The following GPR26 variants were observed in gnomAD, a reference collection of about 807,000 sequenced individuals.
GPR26 encodes the protein G protein-coupled receptor 26.
GPR26 carries 15 observed loss-of-function variants against 23.1 expected under a neutral mutation model. The ratio of observed to expected loss-of-function variants is 0.65; its 90% CI spans 0.43 to 1.00. The LOEUF (loss-of-function observed/expected upper bound fraction) is 1.00. GPR26 is among the 50% of genes least tolerant of loss of function. The pLI is 0.00. For missense variants in GPR26, 359 were observed against 470.5 expected (o/e 0.76, Z 2.19); for synonymous variants, 228 against 222.1 (o/e 1.03, Z -0.24).
Position 123,691,845 on chromosome 10 carries a change from C to T in GPR26, c.*3685C>T, listed in dbSNP as rs1382663817. The stretch of plus-strand genomic sequence containing the variant: ...GGGCCAGGCAGGACCTGGGTTTCCG[C>T]ACTTTTAATCATCGATGCCCAGGTA... On this transcript the variant is annotated 3_prime_UTR_variant, in exon 3 of 3. Coordinates refer to ENST00000284674, the MANE Select transcript of GPR26 (RefSeq NM_153442.4). 6.6e-6 allele frequency: 1 copy of T among 152,164 alleles called. No individual in the cohort carries two copies. The highest frequency in any genetic ancestry group is 6.5e-5 in the Admixed American group (1 of 15,284). 9.4% of individuals were successfully genotyped at this position (152,164 alleles called of 1,614,324 possible).
intron 2 of GPR26, among the ~76,000 whole-genome samples, chr10:123,675,798 C>CTCTGTG (rs141688113): frequency 2.1e-5 from 3 of 142,726 alleles, no homozygotes; most frequent in Middle Eastern, 3.5e-3. Flanking sequence ...GCAGGGTTTT[C>CTCTGTG]TGTGTGTGTG....
chr10:123,670,645 C>CTTGGT (rs747245894), intron 1 of GPR26, among the ~76,000 whole-genome samples: 1 of 152,194 alleles, frequency 6.6e-6, no homozygotes, highest in Non-Finnish European at 1.5e-5. Flanking sequence ...CACCCCAGCT[C>CTTGGT]TAACCAGCAC....
intron 2 of GPR26, among the ~76,000 whole-genome samples, chr10:123,678,459 G>A (rs914514438): frequency 1.3e-5 from 2 of 152,250 alleles, no homozygotes; most frequent in South Asian, 2.1e-4. Context: ...TTCCTGAGCA[G>A]TCAAATCAGT....
chr10:123,666,699 G>C lies in GPR26; in HGVS notation c.292G>C (p.Ala98Pro), dbSNP rs1262061446. 6.3e-7 allele frequency: 1 copy of C among 1,599,158 alleles called. No individual in the cohort carries two copies. Among genetic ancestry groups the C allele is most frequent in the Admixed American group, 1.7e-5 (1 of 59,764 alleles). The change falls in exon 1 of 3, where the codon GCC (alanine) becomes CCC (proline). Residue 98 changes from alanine (A) to proline (P), a missense_variant. Physicochemically the swap from Ala to Pro is conservative, Grantham distance 27. Transcript: ENST00000284674. ...FLAANSMLSM[A>P]ALSIDRWVAV... Reference sequence around the variant, plus strand: ...GGCTGCCAACTCCATGCTCAGCATGGCCGCGCTCAGCATCGACCGCTGGGT... The same window carrying C: ...GGCTGCCAACTCCATGCTCAGCATGCCCGCGCTCAGCATCGACCGCTGGGT...
chr10:123,668,294 A>G (rs1282764209), intron 1 of GPR26, among the ~76,000 whole-genome samples: 3 of 152,186 alleles, frequency 2.0e-5, no homozygotes, highest in Non-Finnish European at 1.5e-5. Flanking sequence ...CACAATGCCG[A>G]CACATTGAAG....
At position 123,667,166 on chromosome 10, in the gene GPR26, G is replaced by A. The variant is rs370694682; in HGVS notation, c.668+91G>A. 6.5e-5 allele frequency: 63 copies of A among 976,636 alleles called. 1 individual carries two copies. Among genetic ancestry groups the A allele is most frequent in the East Asian group, 6.4e-4 (24 of 37,728 alleles). 60.5% of individuals were successfully genotyped at this position (976,636 alleles called of 1,614,324 possible). A position where few individuals can be genotyped will look rare whatever the true frequency, so the allele number is the denominator to read the frequency against. ...CTAGCCCCAGGGGCTCTTTTCCACCGAGCCTCTGTTTCTTCTGAGAACTCG... is the reference window on the plus strand; with the variant it reads ...CTAGCCCCAGGGGCTCTTTTCCACCAAGCCTCTGTTTCTTCTGAGAACTCG... On this transcript the variant is annotated intron_variant, in intron 1 of 2. Transcript: ENST00000284674.
chr10:123,685,479 G>A (rs1180866450), intron 2 of GPR26, among the ~76,000 whole-genome samples: 5 of 152,190 alleles, frequency 3.3e-5, no homozygotes, highest in Non-Finnish European at 4.4e-5. Flanking sequence ...AGCCACAGCC[G>A]GGCCTGGAGG....
rs191678275 is a variant in GPR26, at chr10:123,674,427, A to G, written c.669-391A>G. ...ATGATCAGTGAATGATATGAGCAAT[A>G]ATAAGAGGTAATGTTTAATGTTTCT... On this transcript the variant is annotated intron_variant, in intron 1 of 2. Coordinates refer to ENST00000284674, the MANE Select transcript of GPR26 (RefSeq NM_153442.4). This position sits in a 1 kb window ranked among gnomAD's most constrained non-coding sequence, Gnocchi z 4.1. Among the ~76,000 whole-genome samples the G allele has an allele frequency of 6.6e-5, 10 of 152,304 alleles. No homozygotes were observed. The East Asian group carries it at 1.4e-3, about 21-fold the overall frequency.
In GPR26 at chr10:123,666,371, G is replaced by A; in HGVS notation, c.-37G>A. 2 of 1,301,304 alleles carry A rather than the reference G, an allele frequency of 1.5e-6. No individual in the cohort carries two copies. The highest frequency in any genetic ancestry group is 2.0e-6 in the Non-Finnish European group (2 of 1,023,642). The allele number at this position is 1,301,304 out of a possible 1,614,324, so 80.6% of individuals were successfully genotyped here. On this transcript the variant is annotated 5_prime_UTR_variant, in exon 1 of 3. Coordinates refer to ENST00000284674, the MANE Select transcript of GPR26 (RefSeq NM_153442.4). The stretch of plus-strand genomic sequence containing the variant: ...CGCGGGCAGCGCCATGGCGGCGCCG[G>A]GTTGCGGACCCTGAGCGCCGGCGCG...
chr10:123,671,591 G>A (rs1252920292), intron 1 of GPR26, among the ~76,000 whole-genome samples: 2 of 152,146 alleles, frequency 1.3e-5, no homozygotes, highest in African/African-American at 2.4e-5. Context: ...GGGTTGCCTC[G>A]GGAGAGCTTT....
At chr10:123,671,429 G>A (rs532422712) in intron 1 of GPR26, among the ~76,000 whole-genome samples, 5 of 152,012 alleles carry the variant, frequency 3.3e-5, no homozygotes, top group East Asian at 1.9e-4. Context: ...ACACATGCTC[G>A]CACTCTGGCT....
Position 123,695,865 on chromosome 10 carries a change from T to C in GPR26, c.*7705T>C, listed in dbSNP as rs559465986. ...ACAAACATGTAAATACAACCTCTTTTGGAGTGCAGAAACATTTGCGGAGTC... is the reference window on the plus strand; with the variant it reads ...ACAAACATGTAAATACAACCTCTTTCGGAGTGCAGAAACATTTGCGGAGTC... On this transcript the variant is annotated 3_prime_UTR_variant, in exon 3 of 3. Transcript: ENST00000284674. Among the ~76,000 whole-genome samples, 7 of 152,304 alleles carry C rather than the reference T, an allele frequency of 4.6e-5. No individual in the cohort carries two copies. The East Asian group carries it at 1.3e-3, about 29-fold the overall frequency.
intron 2 of GPR26, among the ~76,000 whole-genome samples, chr10:123,687,369 C>G (rs1845440001): frequency 6.6e-6 from 1 of 152,218 alleles, no homozygotes; most frequent in Admixed American, 6.5e-5. Context: ...TGGGACCAGA[C>G]TCTTCTAGTT....
rs757161262 is a variant in GPR26 at position 123,688,122 on chromosome 10, G to A, written c.976G>A (p.Asp326Asn). ...CATCCACTCCTCTGGCCTCACAGGCGACTCTCACAGCCAGAACATTCTGCC... is the reference window on the plus strand; with the variant it reads ...CATCCACTCCTCTGGCCTCACAGGCAACTCTCACAGCCAGAACATTCTGCC... ...RSIHSSGLTG[D>N]SHSQNILPVS... Residue 326 changes from aspartate to asparagine, a missense_variant, in exon 3 of 3, where the codon GAC becomes AAC. By Grantham distance (23) the Asp-to-Asn change is conservative. Transcript: ENST00000284674. 4.0e-5 allele frequency: 65 copies of A among 1,610,604 alleles called. No homozygotes were observed. The highest frequency in any genetic ancestry group is 1.6e-4 in the Middle Eastern group (1 of 6,066).
chr10:123,668,403 C>T (rs1845212443), intron 1 of GPR26, among the ~76,000 whole-genome samples: 1 of 152,198 alleles, frequency 6.6e-6, no homozygotes, highest in African/African-American at 2.4e-5. Context: ...GATTCAGGAA[C>T]AGAATGTACA....
intron 2 of GPR26, among the ~76,000 whole-genome samples, chr10:123,679,020 T>C (rs35296995): frequency 0.016 from 2,440 of 152,346 alleles, 30 homozygotes; most frequent in South Asian, 0.075. Flanking sequence ...CACTCTGGAA[T>C]CCGGATCACT....
chr10:123,679,607 G>C (rs1159572133), intron 2 of GPR26, among the ~76,000 whole-genome samples: 5 of 141,960 alleles, frequency 3.5e-5, no homozygotes. Flanking sequence ...AGGAACTGAG[G>C]ACTGGGGTCA....
intron 1 of GPR26, 43 bp downstream of exon 1, chr10:123,667,118 A>ACCTCCCAC: frequency 7.0e-7 from 1 of 1,418,772 alleles, no homozygotes; most frequent in Non-Finnish European, 9.5e-7. Context: ...GCCGCGCGGG[A>ACCTCCCAC]TCTCGGCGGG....
rs1258698991 is a variant in GPR26 at position 123,686,519 on chromosome 10, C to T, written c.783-1410C>T. Among the ~76,000 whole-genome samples the T allele has an allele frequency of 2.0e-5, 3 of 152,276 alleles. No individual in the cohort carries two copies. The South Asian group carries it at 6.2e-4, about 32-fold the overall frequency. On this transcript the variant is annotated intron_variant, in intron 2 of 2. Transcript: ENST00000284674. ...AACTAGAGGGTCCTCAGAGTGGACT[C>T]CTTGAGAGCCTGTTCCAGAAAGGGG...
Sources: gnomAD v4.1 joint callset for allele counts (sites outside exome capture counted in the v4.1 genomes callset) on GRCh38, gnomAD v4.1.1 for gene constraint, Gnocchi (gnomAD v3.1) non-coding constraint, MANE v1.5 for transcripts, NCBI Gene and HGNC (gene_info 2026-07-23, HGNC 2026-07-21) for gene names.